FGF12: variants seen among roughly 807,000 people sequenced by gnomAD.
The protein encoded by FGF12 is fibroblast growth factor 12.
In FGF12, 14 loss-of-function variants were observed where a neutral mutation model predicts 23.6. The ratio of observed to expected loss-of-function variants is 0.59; its 90% CI spans 0.39 to 0.93. The LOEUF is 0.93. Among genes scored for constraint, FGF12 ranks in the 40% least tolerant of loss-of-function variants. FGF12 has a pLI of 0.00. For missense variants in FGF12, 175 were observed against 217.8 expected, an observed-to-expected ratio of 0.80 and a Z score of 1.24; for synonymous variants, 62 against 77.3, an observed-to-expected ratio of 0.80 and a Z score of 1.04.
intron 2 of FGF12, among the ~76,000 whole-genome samples, chr3:192,431,314 G>A (rs1721852246): frequency 6.6e-6 from 1 of 152,118 alleles, no homozygotes; most frequent in Non-Finnish European, 1.5e-5. Flanking sequence ...GTATCAGGTT[G>A]ATTTTCTTGG....
At chr3:192,463,927 C>A (rs1471756685) in intron 2 of FGF12, among the ~76,000 whole-genome samples, 1 of 152,148 alleles carries the variant, frequency 6.6e-6, no homozygotes, top group African/African-American at 2.4e-5. Context: ...GTTCCCAACC[C>A]AAACCCGGCT....
intron 4 of FGF12, among the ~76,000 whole-genome samples, chr3:192,240,291 G>A (rs1719541255): frequency 6.6e-6 from 1 of 152,012 alleles, no homozygotes; most frequent in Admixed American, 6.6e-5. Context: ...GACAATAATT[G>A]CCATTCAAGA....
At chr3:192,637,693 T>C (rs957878282) in intron 2 of FGF12, among the ~76,000 whole-genome samples, 2 of 152,174 alleles carry the variant, frequency 1.3e-5, no homozygotes, top group African/African-American at 4.8e-5. Context: ...AATAGAATTC[T>C]TTTCCTAAGT....
chr3:192,605,839 G>T (rs1005646046), intron 2 of FGF12, among the ~76,000 whole-genome samples: 2 of 152,178 alleles, frequency 1.3e-5, no homozygotes, highest in African/African-American at 4.8e-5. Flanking sequence ...ACAGCAGTCA[G>T]AATGGCTATT....
In FGF12 at chr3:192,373,469, A is replaced by C. The variant is rs186049185; in HGVS notation, c.14-12931T>G. On this transcript the variant is annotated intron_variant, in intron 2 of 5. Coordinates refer to ENST00000445105, the MANE Select transcript of FGF12 (RefSeq NM_004113.6). ...AGTTAGAATTAAAAATGGAGAAAAC[A>C]TTTTTAATAGATATATCTTTTACCA... Among the ~76,000 whole-genome samples the C allele has an allele frequency of 5.5e-3, 845 of 152,268 alleles. 3 individuals carry two copies. The highest frequency in any genetic ancestry group is 8.6e-3 in the Non-Finnish European group (588 of 68,006).
At chr3:192,160,922 G>A (rs1714832549) in intron 5 of FGF12, among the ~76,000 whole-genome samples, 1 of 152,010 alleles carries the variant, frequency 6.6e-6, no homozygotes, top group African/African-American at 2.4e-5. Context: ...TGACACAAAT[G>A]GAGCAAGGAA....
intron 2 of FGF12, among the ~76,000 whole-genome samples, chr3:192,648,087 G>A (rs933688411): frequency 6.6e-6 from 1 of 152,088 alleles, no homozygotes; most frequent in East Asian, 1.9e-4. Context: ...CTTCTAGGAG[G>A]TGGCATATTC....
chr3:192,568,603 T>C (rs1712453002), intron 2 of FGF12, among the ~76,000 whole-genome samples: 1 of 152,210 alleles, frequency 6.6e-6, no homozygotes, highest in Non-Finnish European at 1.5e-5. Context: ...CAATTACTTG[T>C]CATATTATAG....
At chr3:192,392,378 A>G (rs1026528115) in intron 2 of FGF12, among the ~76,000 whole-genome samples, 4 of 151,356 alleles carry the variant, frequency 2.6e-5, no homozygotes, top group Non-Finnish European at 4.4e-5. Context: ...GACCAGCCTG[A>G]CCAACATGGA....
intron 5 of FGF12, among the ~76,000 whole-genome samples, chr3:192,146,622 C>G (rs538198072): frequency 6.6e-6 from 1 of 152,188 alleles, no homozygotes; most frequent in African/African-American, 2.4e-5. Flanking sequence ...GTTGCAATTT[C>G]CTTTTTAGTT....
At chr3:192,620,134 G>C (rs905405515) in intron 2 of FGF12, among the ~76,000 whole-genome samples, 1 of 151,900 alleles carries the variant, frequency 6.6e-6, no homozygotes, top group Non-Finnish European at 1.5e-5. Context: ...CATTTTTGCC[G>C]ACCTCACTCT....
At position 192,416,321 on chromosome 3, in the gene FGF12, T is replaced by TA. The variant is rs1346025824; in HGVS notation, c.14-55784dup. Among the ~76,000 whole-genome samples the TA allele has an allele frequency of 3.6e-3, 541 of 152,158 alleles. 2 individuals are homozygous for TA. Among genetic ancestry groups the TA allele is most frequent in the African/African-American group, 0.012 (511 of 41,536 alleles). Reference sequence around the variant, plus strand: ...CTAATTTTGTAGAATTCTCTAAGAGTAAAATGTTAAGTACAAAGAGTATGC... The same window carrying TA: ...CTAATTTTGTAGAATTCTCTAAGAGTAAAAATGTTAAGTACAAAGAGTATGC... On this transcript the variant is annotated intron_variant, in intron 2 of 5. Coordinates refer to ENST00000445105, the MANE Select transcript of FGF12 (RefSeq NM_004113.6).
intron 5 of FGF12, among the ~76,000 whole-genome samples, chr3:192,161,674 A>G (rs1714893150): frequency 6.6e-6 from 1 of 152,110 alleles, no homozygotes; most frequent in African/African-American, 2.4e-5. Context: ...TAAAATAGGG[A>G]TAGTAAATCT....
chr3:192,605,463 T>G (rs1052629079), intron 2 of FGF12, among the ~76,000 whole-genome samples: 4 of 151,538 alleles, frequency 2.6e-5, no homozygotes, highest in African/African-American at 9.7e-5. Flanking sequence ...AATCTATTAC[T>G]AAGTCCTCAA....
chr3:192,415,410 C>CA (rs1721317585), intron 2 of FGF12, among the ~76,000 whole-genome samples: 1 of 152,020 alleles, frequency 6.6e-6, no homozygotes, highest in South Asian at 2.1e-4. Flanking sequence ...GCCAGATACT[C>CA]AAAAAATACT....
chr3:192,603,472 AT>A (rs975692284), intron 2 of FGF12, among the ~76,000 whole-genome samples: 2 of 152,146 alleles, frequency 1.3e-5, no homozygotes, highest in African/African-American at 2.4e-5. Context: ...CTAGGGATGT[AT>A]TGGGGGAACC....
chr3:192,276,404 T>C (rs182368146), intron 4 of FGF12, among the ~76,000 whole-genome samples: 1 of 152,358 alleles, frequency 6.6e-6, no homozygotes, highest in East Asian at 1.9e-4. Context: ...GAATGTGTTC[T>C]GACAAGGTTT....
chr3:192,176,366 C>T (rs1238522988), intron 4 of FGF12, among the ~76,000 whole-genome samples: 1 of 152,200 alleles, frequency 6.6e-6, no homozygotes, highest in Admixed American at 6.5e-5. Flanking sequence ...TCTTGAATCA[C>T]GATGGTTTTT....
chr3:192,497,916 T>C (rs755771668), intron 2 of FGF12, among the ~76,000 whole-genome samples: 5 of 152,170 alleles, frequency 3.3e-5, no homozygotes, highest in Non-Finnish European at 5.9e-5. Flanking sequence ...AAAATCAACA[T>C]TATTTGGCTC....
Sources: gnomAD v4.1 joint callset for allele counts (sites outside exome capture counted in the v4.1 genomes callset) on GRCh38, gnomAD v4.1.1 for gene constraint, MANE v1.5 for transcripts, NCBI Gene and HGNC (gene_info 2026-07-23, HGNC 2026-07-21) for gene names.